Variants in SAMD5 observed in about 807,000 individuals in gnomAD.
SAMD5 encodes the protein sterile alpha motif domain-containing protein 5.
SAMD5 carries 13 observed loss-of-function variants against 11.3 expected under a neutral mutation model. The ratio of observed to expected loss-of-function variants is 1.15; its 90% confidence interval spans 0.75 to 1.83. The LOEUF is 1.83. Ranked by LOEUF, SAMD5 falls within the 40% of genes most tolerant of loss-of-function variation. The pLI is 0.00. For synonymous variants in SAMD5, 129 were observed against 111.3 expected, an observed-to-expected ratio of 1.16 and a Z score of -1.00; for missense variants, 255 against 239.1, an observed-to-expected ratio of 1.07 and a Z score of -0.44.
chr6:147,548,061 A>G (rs1788712889), intron 1 of SAMD5, among the ~76,000 whole-genome samples: 1 of 152,196 alleles, frequency 6.6e-6, no homozygotes, highest in Non-Finnish European at 1.5e-5. Context: ...TGATTTTCAA[A>G]TTAAGAACAG....
chr6:147,752,669 T>C, the SAMD5 span, among the ~76,000 whole-genome samples: 3 of 152,192 alleles, frequency 2.0e-5, no homozygotes, highest in African/African-American at 7.2e-5. Context: ...AATTATGTCA[T>C]ATTTCCCTGA....
At chr6:147,640,082 C>T (rs957242093) in intron 1 of SAMD5, among the ~76,000 whole-genome samples, 4 of 152,012 alleles carry the variant, frequency 2.6e-5, no homozygotes, top group African/African-American at 9.7e-5. Flanking sequence ...AAATCCAGCA[C>T]TTTGGGAGGC....
At chr6:147,596,344 C>T (rs948198032) in intron 1 of SAMD5, among the ~76,000 whole-genome samples, 1 of 152,130 alleles carries the variant, frequency 6.6e-6, no homozygotes, top group African/African-American at 2.4e-5. Flanking sequence ...ATAAAATATT[C>T]TCAAGCATTA....
chr6:147,580,672 G>A (rs1562325870), intron 1 of SAMD5, among the ~76,000 whole-genome samples: 1 of 152,158 alleles, frequency 6.6e-6, no homozygotes, highest in Non-Finnish European at 1.5e-5. Context: ...ATGGCCAGTG[G>A]TAGCATATTA....
the SAMD5 span, among the ~76,000 whole-genome samples, chr6:147,951,338 C>T: frequency 1.2e-4 from 19 of 152,142 alleles, no homozygotes; most frequent in African/African-American, 1.9e-4. Flanking sequence ...CCCACCAACA[C>T]GCCCGGCTAA....
the SAMD5 span, among the ~76,000 whole-genome samples, chr6:147,914,993 T>C: frequency 1.3e-5 from 2 of 152,114 alleles, no homozygotes; most frequent in Admixed American, 6.6e-5. Context: ...CTGTTCCAGA[T>C]CAAAGCAGAC....
At chr6:147,512,502 G>A (rs953208058) in intron 1 of SAMD5, among the ~76,000 whole-genome samples, 2 of 152,102 alleles carry the variant, frequency 1.3e-5, no homozygotes, top group African/African-American at 4.8e-5. Context: ...ATCCAGTAAT[G>A]GTCAAAGTTA....
rs1409611995 is a variant in SAMD5, at chr6:147,557,904, A to G, written c.460-6490A>G. On this transcript the variant is annotated intron_variant, in intron 1 of 1. Transcript: ENST00000367474. ...TACACTTTAAAGCCTCAGATTCTTC[A>G]TTTATAAAGTTGGGTCTAGGATCGC... 2.0e-5 allele frequency among the ~76,000 whole-genome samples: 3 copies of G among 152,152 alleles called. No homozygotes were observed. The South Asian group carries it at 6.2e-4, about 32-fold the overall frequency.
the SAMD5 span, among the ~76,000 whole-genome samples, chr6:147,770,215 T>G: frequency 6.6e-6 from 1 of 152,192 alleles, no homozygotes; most frequent in East Asian, 1.9e-4. Context: ...GAGGTTATCT[T>G]GGTCCCTGCT....
chr6:147,918,238 T>C, the SAMD5 span, among the ~76,000 whole-genome samples: 9 of 152,326 alleles, frequency 5.9e-5, no homozygotes, highest in Admixed American at 4.6e-4. Context: ...TTTTATTTCA[T>C]TGAGCAGTGG....
chr6:147,728,017 A>AG (rs933120641), intron 1 of SAMD5, among the ~76,000 whole-genome samples: 2 of 152,220 alleles, frequency 1.3e-5, no homozygotes, highest in African/African-American at 4.8e-5. Flanking sequence ...TCTTTATGAA[A>AG]GTATTCCAAT....
At chr6:147,704,434 T>C (rs1583146710) in intron 1 of SAMD5, among the ~76,000 whole-genome samples, 3 of 152,174 alleles carry the variant, frequency 2.0e-5, no homozygotes, top group African/African-American at 7.2e-5. Context: ...TACATTTAAA[T>C]ACACATGTCA....
At chr6:147,578,900 G>A (rs938205586) in intron 1 of SAMD5, among the ~76,000 whole-genome samples, 2 of 152,294 alleles carry the variant, frequency 1.3e-5, no homozygotes, top group Admixed American at 1.3e-4. Flanking sequence ...CTAAGTCCAC[G>A]TGGTCTTGGG....
At chr6:147,653,411 A>T (rs1481437425) in intron 1 of SAMD5, among the ~76,000 whole-genome samples, 1 of 152,228 alleles carries the variant, frequency 6.6e-6, no homozygotes, top group Non-Finnish European at 1.5e-5. Flanking sequence ...ACAGCTATAA[A>T]GTGTGTACAT....
At chr6:147,540,503 A>G (rs1383113044) in intron 1 of SAMD5, among the ~76,000 whole-genome samples, 3 of 152,186 alleles carry the variant, frequency 2.0e-5, no homozygotes, top group Admixed American at 2.0e-4. Flanking sequence ...ACAGAACAAG[A>G]CAGAGGAATT....
At position 147,564,504 on chromosome 6, in the gene SAMD5, T is replaced by A. The variant is rs771602563; in HGVS notation, c.*48T>A. 1.2e-6 allele frequency: 1 copy of A among 835,946 alleles called. No individual in the cohort carries two copies. Among genetic ancestry groups the A allele is most frequent in the African/African-American group, 1.7e-5 (1 of 60,008 alleles). 51.8% of individuals were successfully genotyped at this position (835,946 alleles called of 1,614,324 possible). A position where few individuals can be genotyped will look rare whatever the true frequency, so the allele number is the denominator to read the frequency against. ...GAGGACTGATGAGGTGCCTGAAGACTGGAAAAGGGCATATTTAGAACCTTC... is the reference window on the plus strand; with the variant it reads ...GAGGACTGATGAGGTGCCTGAAGACAGGAAAAGGGCATATTTAGAACCTTC... On this transcript the variant is annotated 3_prime_UTR_variant, in exon 2 of 2. Transcript: ENST00000367474.
intron 1 of SAMD5, among the ~76,000 whole-genome samples, chr6:147,530,433 C>T (rs1168789992): frequency 1.3e-5 from 2 of 152,210 alleles, no homozygotes. Flanking sequence ...AGTGATAGGG[C>T]ATGTCAATTC....
chr6:147,783,689 A>G, the SAMD5 span, among the ~76,000 whole-genome samples: 3 of 152,112 alleles, frequency 2.0e-5, no homozygotes, highest in African/African-American at 7.2e-5. Flanking sequence ...GTGAGCCACC[A>G]TGCCTGGCCA....
At chr6:147,517,641 T>C (rs1788192390) in intron 1 of SAMD5, among the ~76,000 whole-genome samples, 1 of 152,238 alleles carries the variant, frequency 6.6e-6, no homozygotes, top group African/African-American at 2.4e-5. Flanking sequence ...ACTTGGAAGA[T>C]CACAGTGTTG....
Sources: gnomAD v4.1 joint callset for allele counts (sites outside exome capture counted in the v4.1 genomes callset) on GRCh38, gnomAD v4.1.1 for gene constraint, MANE v1.5 for transcripts, NCBI Gene and HGNC (gene_info 2026-07-23, HGNC 2026-07-21) for gene names.